SMARCC1: variants seen among roughly 807,000 people sequenced by gnomAD.
The protein encoded by SMARCC1 is SWI/SNF related BAF chromatin remodeling complex subunit C1.
A neutral mutation model predicts 147.4 loss-of-function variants in SMARCC1; 43 were observed. The ratio of observed to expected loss-of-function variants is 0.29; its 90% CI spans 0.23 to 0.38. SMARCC1 has a LOEUF of 0.38. SMARCC1 is among the 10% of genes least tolerant of loss of function. SMARCC1 has a pLI of 1.00. For missense variants in SMARCC1, 1,119 were observed against 1,381.1 expected (o/e 0.81, Z 3.01); for synonymous variants, 495 against 484.4 (o/e 1.02, Z -0.29).
At position 47,764,688 on chromosome 3, in the gene SMARCC1, C is replaced by A. The variant is rs74620207; in HGVS notation, c.315+8129G>T. Among the ~76,000 whole-genome samples the A allele has an allele frequency of 2.4e-3, 368 of 152,334 alleles. 1 individual carries two copies. The highest frequency in any genetic ancestry group is 8.4e-3 in the African/African-American group (349 of 41,588). ...GGTCATGCTACATCATGTAGGCTCA[C>A]TGCCCTTGCACATGAATTATAAAGG... On this transcript the variant is annotated intron_variant, in intron 2 of 27. Coordinates refer to ENST00000254480, the MANE Select transcript of SMARCC1 (RefSeq NM_003074.4).
Position 47,632,260 on chromosome 3 carries a change from G to C in SMARCC1, c.2646+2930C>G, listed in dbSNP as rs1375547885. Among the ~76,000 whole-genome samples the C allele has an allele frequency of 6.6e-5, 10 of 152,038 alleles. No homozygotes were observed. In the East Asian group the frequency reaches 1.9e-3, roughly 29 times the overall value. ...CAAAGTTGCACACAGTAACAGCTAT[G>C]AGGCCAGAGGAAAACATCATGAAGG... On this transcript the variant is annotated intron_variant, in intron 24 of 27. Transcript: ENST00000254480.
intron 10 of SMARCC1, chr3:47,701,663 A>AAT (rs1320894533): frequency 2.8e-6 from 1 of 360,178 alleles, no homozygotes; most frequent in African/African-American, 2.2e-5. Flanking sequence ...AAAATACAAA[A>AAT]ATAAGCCGGG....
intron 22 of SMARCC1, among the ~76,000 whole-genome samples, chr3:47,638,133 C>T (rs1417809779): frequency 6.6e-6 from 1 of 152,128 alleles, no homozygotes; most frequent in Non-Finnish European, 1.5e-5. Flanking sequence ...CTCTGTCGCC[C>T]AGGATGGAGT....
intron 9 of SMARCC1, among the ~76,000 whole-genome samples, chr3:47,709,643 G>C (rs902732419): frequency 6.6e-6 from 1 of 151,130 alleles, no homozygotes; most frequent in Non-Finnish European, 1.5e-5. Context: ...CCGAGATCGC[G>C]CCACTGCATT....
intron 26 of SMARCC1, among the ~76,000 whole-genome samples, chr3:47,593,925 G>A (rs933593428): frequency 6.6e-6 from 1 of 152,150 alleles, no homozygotes; most frequent in African/African-American, 2.4e-5. Flanking sequence ...AGCACTTTGC[G>A]AGGCCAAGGT....
intron 1 of SMARCC1, among the ~76,000 whole-genome samples, chr3:47,775,753 G>C (rs866477807): frequency 2.2e-4 from 33 of 151,964 alleles, no homozygotes; most frequent in Admixed American, 1.4e-3. Flanking sequence ...ACTCCAGCCT[G>C]GGTGCACTCC....
chr3:47,759,755 T>C (rs1271450485), intron 2 of SMARCC1, among the ~76,000 whole-genome samples: 2 of 149,022 alleles, frequency 1.3e-5, no homozygotes, highest in Non-Finnish European at 3.0e-5. Flanking sequence ...GCCAACATGG[T>C]GAAACCTCAT....
At position 47,772,824 on chromosome 3, in the gene SMARCC1, T is replaced by C. The variant is rs750854277; in HGVS notation, c.308A>G (p.Lys103Arg). 2 of 1,611,864 alleles carry C rather than the reference T, an allele frequency of 1.2e-6. No individual in the cohort carries two copies. The highest frequency in any genetic ancestry group is 2.2e-5 in the South Asian group (2 of 90,890). ...GTAAGCTGATGTACTTACAGGGAGTTTGGTGAAGGCCGGGTTGGTGACATG... is the reference window on the plus strand; with the variant it reads ...GTAAGCTGATGTACTTACAGGGAGTCTGGTGAAGGCCGGGTTGGTGACATG... ...GKHVTNPAFT[K>R]LPAKCFMDFK... The change falls in exon 2 of 28, where the codon AAA becomes AGA. Residue 103 changes from lysine (K) to arginine (R), a missense_variant. By Grantham distance (26) the Lys-to-Arg change is conservative. Transcript: ENST00000254480.
At chr3:47,610,754 C>A (rs1177676629) in intron 25 of SMARCC1, 1 of 204,758 alleles carries the variant, frequency 4.9e-6, no homozygotes, top group Non-Finnish European at 1.0e-5. Flanking sequence ...GTTCACCCAA[C>A]CTTCCTATGT....
intron 26 of SMARCC1, among the ~76,000 whole-genome samples, chr3:47,602,112 A>C (rs928981082): frequency 2.0e-5 from 3 of 152,038 alleles, no homozygotes; most frequent in African/African-American, 7.2e-5. Flanking sequence ...GGGTTGTGTA[A>C]GTAGGTGTGA....
At chr3:47,647,248 A>C (rs1303621229) in intron 21 of SMARCC1, among the ~76,000 whole-genome samples, 1 of 152,236 alleles carries the variant, frequency 6.6e-6, no homozygotes, top group African/African-American at 2.4e-5. Context: ...ATGGTGCAAA[A>C]GCGATGCATT....
chr3:47,743,812 CAA>C (rs35760519), intron 3 of SMARCC1, among the ~76,000 whole-genome samples: 14 of 76,076 alleles, frequency 1.8e-4, no homozygotes, highest in Admixed American at 4.5e-4. Context: ...GACTATGTCT[CAA>C]AAAAAAAAAA....
chr3:47,603,930 T>G (rs1559623526), intron 26 of SMARCC1: 1 of 423,816 alleles, frequency 2.4e-6, no homozygotes, highest in Admixed American at 2.8e-5. Flanking sequence ...GTTGGAGTTA[T>G]CAGGTGAGTT....
At chr3:47,590,868 A>G in intron 26 of SMARCC1, 31 bp from the exon 27 acceptor site, 3 of 1,578,514 alleles carry the variant, frequency 1.9e-6, no homozygotes, top group Non-Finnish European at 2.6e-6. Context: ...TACTGTAAGT[A>G]TACTAGAAAG....
At chr3:47,657,997 A>C (rs143519475) in intron 21 of SMARCC1, among the ~76,000 whole-genome samples, 1 of 152,090 alleles carries the variant, frequency 6.6e-6, no homozygotes, top group Admixed American at 6.6e-5. Flanking sequence ...AGCAAATTTA[A>C]CCCAAAGCAA....
At chr3:47,640,627 A>C (rs893552832) in intron 21 of SMARCC1, among the ~76,000 whole-genome samples, 1 of 152,204 alleles carries the variant, frequency 6.6e-6, no homozygotes, top group Non-Finnish European at 1.5e-5. Context: ...CAGATGTTTT[A>C]CACTGGGGAA....
chr3:47,661,695 G>C (rs1396433053), intron 20 of SMARCC1, among the ~76,000 whole-genome samples: 1 of 151,966 alleles, frequency 6.6e-6, no homozygotes. Flanking sequence ...TGAAATAAGA[G>C]ATCTTTCAAC....
At chr3:47,662,016 G>A (rs112204717) in intron 20 of SMARCC1, among the ~76,000 whole-genome samples, 16 of 149,086 alleles carry the variant, frequency 1.1e-4, no homozygotes, top group Admixed American at 1.3e-4. Context: ...TTTTTGAGAC[G>A]GAGTCTTGCT....
intron 8 of SMARCC1, among the ~76,000 whole-genome samples, chr3:47,711,383 T>C (rs1167279506): frequency 6.6e-6 from 1 of 152,210 alleles, no homozygotes; most frequent in Non-Finnish European, 1.5e-5. Flanking sequence ...AATGTAGATG[T>C]ATATATACAT....
Sources: gnomAD v4.1 joint callset for allele counts (sites outside exome capture counted in the v4.1 genomes callset) on GRCh38, gnomAD v4.1.1 for gene constraint, MANE v1.5 for transcripts, NCBI Gene and HGNC (gene_info 2026-07-23, HGNC 2026-07-21) for gene names.